RERE: variants seen among roughly 807,000 people sequenced by gnomAD.
RERE encodes arginine-glutamic acid dipeptide repeats, also known as arginine-glutamic acid dipeptide repeats protein.
Under a neutral mutation model 146.1 loss-of-function variants are expected in RERE, and 40 were observed. That is an observed-to-expected ratio of 0.27 (90% confidence interval 0.21 to 0.36). RERE has a LOEUF of 0.36. RERE is among the 10% of genes least tolerant of loss of function. RERE has a pLI of 1.00. For missense variants in RERE, 1,933 were observed against 2,138.7 expected (o/e 0.90, Z 1.90); for synonymous variants, 1,003 against 866.0 (o/e 1.16, Z -2.78).
intron 11 of RERE, 102 bp from the exon 12 acceptor site, chr1:8,422,909 A>C: frequency 1.2e-6 from 1 of 867,266 alleles, no homozygotes. Context: ...CCACAAAAAA[A>C]GTCTCGGCTA....
At chr1:8,720,467 A>G (rs1171948496) in intron 1 of RERE, among the ~76,000 whole-genome samples, 1 of 152,210 alleles carries the variant, frequency 6.6e-6, no homozygotes, top group African/African-American at 2.4e-5. Flanking sequence ...AGGATTAAAC[A>G]TATGCAGAGG....
intron 1 of RERE, among the ~76,000 whole-genome samples, chr1:8,788,289 G>A (rs1036277223): frequency 3.3e-5 from 5 of 151,016 alleles, no homozygotes; most frequent in African/African-American, 7.3e-5. Flanking sequence ...ACATCATAAC[G>A]TTATAATAAT....
chr1:8,364,355 T>C lies in RERE; in HGVS notation c.1541-100A>G. 1 of 1,030,222 alleles carries C rather than the reference T, an allele frequency of 9.7e-7. No homozygotes were observed. Among genetic ancestry groups the C allele is most frequent in the Non-Finnish European group, 1.5e-6 (1 of 668,740 alleles). 63.8% of individuals were successfully genotyped at this position (1,030,222 alleles called of 1,614,324 possible). On this transcript the variant is annotated intron_variant, in intron 14 of 22. Coordinates refer to ENST00000400908, the MANE Select transcript of RERE (RefSeq NM_001042681.2). The surrounding 1 kb of genome is among the most constrained non-coding windows in gnomAD (Gnocchi z 5.1). ...TTCTGTGGGCTCTACCCAAACCTGA[T>C]GCCACCAGCACCATGCAGCCCTGGG...
At chr1:8,627,597 C>CAAA (rs70982802) in intron 2 of RERE, among the ~76,000 whole-genome samples, 9 of 125,256 alleles carry the variant, frequency 7.2e-5, no homozygotes, top group Admixed American at 1.6e-4. Flanking sequence ...GAAACTGTCT[C>CAAA]AAAAAAAAAA....
chr1:8,632,878 AT>A (rs1163416284), intron 2 of RERE, among the ~76,000 whole-genome samples: 1 of 152,260 alleles, frequency 6.6e-6, no homozygotes, highest in African/African-American at 2.4e-5. Flanking sequence ...TTTAATTGCC[AT>A]TCTGGAAAGA....
intron 11 of RERE, among the ~76,000 whole-genome samples, chr1:8,436,301 AG>A (rs1373438022): frequency 2.0e-5 from 3 of 152,258 alleles, no homozygotes; most frequent in African/African-American, 7.2e-5. Context: ...CCTGGGCGAC[AG>A]AGCGAGACTC....
At chr1:8,731,548 C>T (rs1640082671) in intron 1 of RERE, among the ~76,000 whole-genome samples, 1 of 151,898 alleles carries the variant, frequency 6.6e-6, no homozygotes, top group African/African-American at 2.4e-5. Context: ...ACAGAATGCA[C>T]TCCTTCCCCA....
At chr1:8,713,131 T>C (rs1639700439) in intron 1 of RERE, among the ~76,000 whole-genome samples, 2 of 152,324 alleles carry the variant, frequency 1.3e-5, no homozygotes, top group South Asian at 2.1e-4. Context: ...ATTTAGTAAC[T>C]GGAGGAGGAA....
intron 12 of RERE, among the ~76,000 whole-genome samples, chr1:8,371,504 A>T (rs1187339972): frequency 1.3e-5 from 2 of 152,146 alleles, no homozygotes; most frequent in Non-Finnish European, 2.9e-5. Flanking sequence ...TTAGGAGAGA[A>T]GGAAAAAGCT....
chr1:8,815,933 G>A (rs1357555180), intron 1 of RERE, among the ~76,000 whole-genome samples: 1 of 151,984 alleles, frequency 6.6e-6, no homozygotes, highest in African/African-American at 2.4e-5. Flanking sequence ...CTGGAAGCCA[G>A]CTTTCCACCC....
chr1:8,386,784 C>A (rs1356205202), intron 12 of RERE, among the ~76,000 whole-genome samples: 4 of 151,892 alleles, frequency 2.6e-5, no homozygotes, highest in Non-Finnish European at 5.9e-5. Context: ...ACACAGAAGA[C>A]AAAGGTTTTG....
rs75647697 is a variant in RERE at position 8,771,249 on chromosome 1, C to T, written c.-145+45911G>A. On this transcript the variant is annotated intron_variant, in intron 1 of 22. Coordinates refer to ENST00000400908, the MANE Select transcript of RERE (RefSeq NM_001042681.2). ...TAGAACTATTAGAAACTGGGCCGGG[C>T]GTGGTGGCTCACACCTAATCTCAGA... Among the ~76,000 whole-genome samples, 475 of 152,182 alleles carry T rather than the reference C, an allele frequency of 3.1e-3. 3 individuals carry two copies. Among genetic ancestry groups the T allele is most frequent in the African/African-American group, 0.011 (456 of 41,508 alleles).
chr1:8,628,791 C>T (rs766415475), intron 2 of RERE, among the ~76,000 whole-genome samples: 4 of 152,128 alleles, frequency 2.6e-5, no homozygotes, highest in Non-Finnish European at 2.9e-5. Flanking sequence ...GCCCAGTAAT[C>T]TTTTAAAGCC....
chr1:8,656,535 A>T (rs1638311848), intron 1 of RERE, 94 bp from the exon 2 acceptor site: 1 of 519,318 alleles, frequency 1.9e-6, no homozygotes. Flanking sequence ...TTCATGCTTT[A>T]CACCTAAAAA....
At chr1:8,491,367 G>A (rs1467189694) in intron 10 of RERE, among the ~76,000 whole-genome samples, 3 of 152,208 alleles carry the variant, frequency 2.0e-5, no homozygotes, top group East Asian at 1.9e-4. Flanking sequence ...TTGAACCTGG[G>A]AGGTTGTGGT....
intron 22 of RERE, 96 bp from the exon 23 acceptor site, chr1:8,355,216 CA>C: frequency 7.4e-7 from 1 of 1,353,616 alleles, no homozygotes; most frequent in South Asian, 1.2e-5. Flanking sequence ...CCAGGCAATC[CA>C]ACCCCAAGCC....
intron 12 of RERE, among the ~76,000 whole-genome samples, chr1:8,408,340 C>CG (rs1643513098): frequency 6.6e-6 from 1 of 152,068 alleles, no homozygotes; most frequent in Non-Finnish European, 1.5e-5. Flanking sequence ...GCCAAGAGCC[C>CG]GGAATTTTCA....
chr1:8,434,570 G>A (rs1024424048), intron 11 of RERE: 6 of 152,166 alleles, frequency 3.9e-5, no homozygotes, highest in Admixed American at 1.3e-4. Context: ...TCATTGACAG[G>A]TGGGTCTCTC....
chr1:8,771,522 CA>C (rs34012848), intron 1 of RERE, among the ~76,000 whole-genome samples: 84,245 of 128,044 alleles, frequency 0.66, 25,473 homozygotes, highest in East Asian at 0.8. Flanking sequence ...AAACTTGTTT[CA>C]AAAAAAAAAA....
Sources: allele counts gnomAD v4.1 joint callset (sites outside exome capture counted in the v4.1 genomes callset), GRCh38; gene constraint gnomAD v4.1.1; non-coding constraint Gnocchi (gnomAD v3.1); transcripts MANE v1.5; gene names NCBI Gene and HGNC (gene_info 2026-07-23, HGNC 2026-07-21).